Variants in TRIP12 observed in about 807,000 individuals in gnomAD.
TRIP12 encodes the protein E3 ubiquitin-protein ligase TRIP12.
A neutral mutation model predicts 244.2 loss-of-function variants in TRIP12; 25 were observed. The ratio of observed to expected loss-of-function variants is 0.10; its 90% confidence interval spans 0.07 to 0.14. The LOEUF (loss-of-function observed/expected upper bound fraction) is 0.14, where lower values mean the gene tolerates loss of function less well. Ranked by LOEUF, TRIP12 falls within the 10% of genes least tolerant of loss-of-function variation. The pLI is 1.00. For synonymous variants in TRIP12, 905 were observed against 873.1 expected (o/e 1.04, Z -0.64); for missense variants, 1,677 against 2,486.4 (o/e 0.67, Z 6.92).
intron 1 of TRIP12, among the ~76,000 whole-genome samples, chr2:229,880,583 G>A (rs990541208): frequency 6.6e-6 from 1 of 152,174 alleles, no homozygotes; most frequent in Non-Finnish European, 1.5e-5. Context: ...CTTAGACACA[G>A]AATTAACAAT....
chr2:229,883,258 C>CA (rs1408418008), intron 1 of TRIP12, among the ~76,000 whole-genome samples: 1 of 152,124 alleles, frequency 6.6e-6, no homozygotes, highest in African/African-American at 2.4e-5. Flanking sequence ...ACCTCAACTT[C>CA]AAAAAAAGTT....
intron 8 of TRIP12, among the ~76,000 whole-genome samples, chr2:229,819,063 CACACA>C (rs1302959778): frequency 6.8e-6 from 1 of 146,986 alleles, no homozygotes; most frequent in Non-Finnish European, 1.5e-5. Context: ...CACACACACA[CACACA>C]CACACACACA....
intron 34 of TRIP12, among the ~76,000 whole-genome samples, chr2:229,780,408 G>C (rs1334447899): frequency 6.6e-6 from 1 of 152,118 alleles, no homozygotes; most frequent in Admixed American, 6.6e-5. Context: ...TAGCATTCCC[G>C]ACATCTTGTA....
chr2:229,803,055 T>C (rs1433928372), intron 20 of TRIP12, among the ~76,000 whole-genome samples: 1 of 152,268 alleles, frequency 6.6e-6, no homozygotes, highest in Non-Finnish European at 1.5e-5. Flanking sequence ...TATACCAATA[T>C]GCATGTCTGA....
intron 19 of TRIP12, 90 bp downstream of exon 19, chr2:229,803,909 A>C: frequency 2.5e-6 from 3 of 1,203,730 alleles, no homozygotes; most frequent in Non-Finnish European, 3.4e-6. Context: ...ATTTTTGTGC[A>C]TATTTTTTCT....
intron 37 of TRIP12, among the ~76,000 whole-genome samples, chr2:229,776,495 T>C (rs1249062720): frequency 1.3e-5 from 2 of 152,204 alleles, no homozygotes; most frequent in Non-Finnish European, 2.9e-5. Flanking sequence ...GTATGGGAGA[T>C]AAAGTGAATC....
intron 36 of TRIP12, 107 bp from the exon 37 acceptor site, chr2:229,777,586 C>A: frequency 1.8e-6 from 2 of 1,138,036 alleles, no homozygotes; most frequent in Non-Finnish European, 2.5e-6. Flanking sequence ...GTCAAGTAAT[C>A]CCCAAGAAAG....
chr2:229,834,940 C>A (rs1488875830), intron 6 of TRIP12, among the ~76,000 whole-genome samples: 1 of 152,068 alleles, frequency 6.6e-6, no homozygotes, highest in Non-Finnish European at 1.5e-5. Context: ...AGTCTTATAT[C>A]GACTATACAA....
chr2:229,893,696 T>G (rs2067981289), intron 1 of TRIP12, among the ~76,000 whole-genome samples: 1 of 152,210 alleles, frequency 6.6e-6, no homozygotes, highest in Admixed American at 6.5e-5. Context: ...ATTACCCATT[T>G]TTCTGTTGAT....
At chr2:229,880,454 T>C (rs150189796) in intron 1 of TRIP12, among the ~76,000 whole-genome samples, 345 of 152,340 alleles carry the variant, frequency 2.3e-3, no homozygotes, top group African/African-American at 8.0e-3. Context: ...CCCATTCTAG[T>C]ATTGTGCCTA....
intron 5 of TRIP12, among the ~76,000 whole-genome samples, chr2:229,838,326 G>C (rs1238556841): frequency 6.6e-6 from 1 of 152,166 alleles, no homozygotes; most frequent in Non-Finnish European, 1.5e-5. Context: ...TGACCACTTT[G>C]GATACATAGG....
chr2:229,864,047 A>AGAGAGAGAGAGAGAGAGTGAGT, intron 2 of TRIP12, among the ~76,000 whole-genome samples: 16 of 79,304 alleles, frequency 2.0e-4, no homozygotes, highest in East Asian at 8.7e-4. Context: ...AGAGAGAGAG[A>AGAGAGAGAGAGAGAGAGTGAGT]GTGTGTGTGT....
At chr2:229,904,255 T>C (rs184634628) in intron 1 of TRIP12, among the ~76,000 whole-genome samples, 1 of 151,620 alleles carries the variant, frequency 6.6e-6, no homozygotes, top group African/African-American at 2.4e-5. Flanking sequence ...CTGTCTCTAC[T>C]AAAACTACAA....
rs781546151 is a variant in TRIP12 at position 229,859,240 on chromosome 2, G to A, written c.559C>T (p.Arg187Trp). The A allele has an allele frequency of 1.9e-6, 3 of 1,614,002 alleles. No homozygotes were observed. The highest frequency in any genetic ancestry group is 1.7e-5 in the Admixed American group (1 of 59,986). The change falls in exon 4 of 42, where the codon CGG (arginine) becomes TGG (tryptophan). Residue 187 changes from arginine to tryptophan, a missense_variant. Physicochemically the swap from Arg to Trp is moderately radical, Grantham distance 101 (BLOSUM62 -3). Transcript: ENST00000675903. ...TCTGTCCTTTTTCTTTTCTGACTCC[G>A]TGAACCGCCAGTGGCCCCACTCTTC... ...TRKSGATGGS[R>W]SQKRKRTESS...
intron 2 of TRIP12, among the ~76,000 whole-genome samples, chr2:229,879,671 T>C (rs1157453004): frequency 6.6e-6 from 1 of 152,216 alleles, no homozygotes; most frequent in Non-Finnish European, 1.5e-5. Flanking sequence ...AGACCACGAA[T>C]GGTGAAAGAT....
intron 4 of TRIP12, among the ~76,000 whole-genome samples, chr2:229,844,888 A>C (rs2057258221): frequency 6.6e-6 from 1 of 152,176 alleles, no homozygotes; most frequent in East Asian, 1.9e-4. Flanking sequence ...TTATTTTTAA[A>C]GTTCTCTGGA....
In TRIP12 at chr2:229,860,327, C is replaced by T. The variant is rs1478295249; in HGVS notation, c.224+79G>A. 1.7e-5 allele frequency: 25 copies of T among 1,499,290 alleles called. No individual in the cohort carries two copies. In the East Asian group the frequency reaches 5.8e-4, roughly 35 times the overall value. 92.9% of individuals were successfully genotyped at this position (1,499,290 alleles called of 1,614,324 possible). A position where few individuals can be genotyped will look rare whatever the true frequency, so the allele number is the denominator to read the frequency against. On this transcript the variant is annotated intron_variant, in intron 3 of 41. Transcript: ENST00000675903. ...TATGTATCAAAACGTTTTGGAATAA[C>T]CTCAAGTTTTAACATTATGCAATGA...
chr2:229,798,862 C>A lies in TRIP12; in HGVS notation c.3482+13G>T. 1 of 1,609,436 alleles carries A rather than the reference C, an allele frequency of 6.2e-7. No homozygotes were observed. The highest frequency in any genetic ancestry group is 8.5e-7 in the Non-Finnish European group (1 of 1,178,542). On this transcript the variant is annotated intron_variant, in intron 23 of 41. Transcript: ENST00000675903. The stretch of plus-strand genomic sequence containing the variant: ...ATGGGAATAGAAGAAACATAAAACT[C>A]CCCCCACTTCACCTATTATTGGAGA...
chr2:229,808,464 A>C, intron 15 of TRIP12, 95 bp from the exon 16 acceptor site: 1 of 799,510 alleles, frequency 1.3e-6, no homozygotes, highest in Non-Finnish European at 2.0e-6. Flanking sequence ...AAATAATCAG[A>C]ATCATTTTCT....
Sources: gnomAD v4.1 joint callset for allele counts (sites outside exome capture counted in the v4.1 genomes callset) on GRCh38, gnomAD v4.1.1 for gene constraint, MANE v1.5 for transcripts, NCBI Gene and HGNC (gene_info 2026-07-23, HGNC 2026-07-21) for gene names.